Variants in ADGRE3 observed in about 807,000 individuals in gnomAD.
ADGRE3 encodes EGF-like module receptor 3.
A neutral mutation model predicts 80.1 loss-of-function variants in ADGRE3; 88 were observed. The ratio of observed to expected loss-of-function variants is 1.10; its 90% CI spans 0.93 to 1.31. The LOEUF (loss-of-function observed/expected upper bound fraction) is 1.31, where lower values mean the gene tolerates loss of function less well. ADGRE3 is among the 40% of genes most tolerant of loss of function. The pLI is 0.00. For missense variants in ADGRE3, 715 were observed against 776.5 expected, an observed-to-expected ratio of 0.92 and a Z score of 0.94; for synonymous variants, 281 against 294.8, an observed-to-expected ratio of 0.95 and a Z score of 0.48.
chr19:14,620,548 T>TAATATATATATATATATATATATA lies in ADGRE3; in HGVS notation c.1921-1078_1921-1077insTATATATATATATATATATATATT. On this transcript the variant is annotated intron_variant, in intron 15 of 15. Coordinates refer to ENST00000253673, the MANE Select transcript of ADGRE3 (RefSeq NM_032571.5). ...TGAATATATATATTTTATATATATA[T>TAATATATATATATATATATATATA]TATATATATATATATATATATTTTT... 5.2e-4 allele frequency among the ~76,000 whole-genome samples: 13 copies of TAATATATATATATATATATATATA among 24,964 alleles called. 1 individual carries two copies. Among genetic ancestry groups the TAATATATATATATATATATATATA allele is most frequent in the African/African-American group, 1.1e-3 (5 of 4,660 alleles). The allele number at this position is 24,964 out of a possible 152,430, so 16.4% of individuals were successfully genotyped here.
downstream of ADGRE3, among the ~76,000 whole-genome samples, chr19:14,617,341 C>CCTCTCTCTCTCTCT: frequency 1.4e-3 from 81 of 57,260 alleles, no homozygotes; most frequent in East Asian, 6.4e-3. Context: ...TCCCTCCCTC[C>CCTCTCTCTCTCTCT]CTTTCTTTCT....
At chr19:14,655,795 G>A (rs1971738251) in intron 5 of ADGRE3, among the ~76,000 whole-genome samples, 1 of 151,928 alleles carries the variant, frequency 6.6e-6, no homozygotes, top group African/African-American at 2.4e-5. Flanking sequence ...TTGCCAACAA[G>A]GTAGTGATAA....
intron 5 of ADGRE3, among the ~76,000 whole-genome samples, chr19:14,658,308 T>C (rs1175760161): frequency 1.3e-5 from 2 of 150,238 alleles, no homozygotes; most frequent in Non-Finnish European, 3.0e-5. Flanking sequence ...ATATGTACTA[T>C]TGTGTAGTAA....
At chr19:14,629,889 A>AT in intron 14 of ADGRE3, 150 bp downstream of exon 14, 2 of 480,358 alleles carry the variant, frequency 4.2e-6, no homozygotes, top group Non-Finnish European at 7.3e-6. Context: ...AACTAGTAGC[A>AT]TTTTTAAAGT....
chr19:14,671,609 T>TG (rs1361589009), intron 1 of ADGRE3, among the ~76,000 whole-genome samples: 1 of 152,146 alleles, frequency 6.6e-6, no homozygotes, highest in Non-Finnish European at 1.5e-5. Flanking sequence ...TGGATGTCTC[T>TG]GGGGGGACTG....
chr19:14,618,960 G>A (rs933754717), downstream of ADGRE3, among the ~76,000 whole-genome samples: 5 of 151,714 alleles, frequency 3.3e-5, no homozygotes, highest in Non-Finnish European at 7.4e-5. Flanking sequence ...TTATGGCCAG[G>A]TGCAGTGGCT....
the ADGRE3 span, among the ~76,000 whole-genome samples, chr19:14,602,090 C>T: frequency 3.3e-5 from 5 of 152,124 alleles, no homozygotes; most frequent in South Asian, 2.1e-4. Context: ...CCGCGCCTGG[C>T]CCAGCAAATT....
intron 3 of ADGRE3, among the ~76,000 whole-genome samples, chr19:14,662,963 C>T (rs1290663626): frequency 6.6e-6 from 1 of 150,856 alleles, no homozygotes; most frequent in Non-Finnish European, 1.5e-5. Context: ...GTAGTTGCAG[C>T]CACTTGAGAG....
intron 8 of ADGRE3, among the ~76,000 whole-genome samples, chr19:14,646,703 C>CCTTA (rs1205224038): frequency 5.7e-5 from 7 of 122,802 alleles, no homozygotes; most frequent in African/African-American, 2.1e-4. Context: ...CTCCTTCCTT[C>CCTTA]CTTCCTTCCT....
At chr19:14,670,139 C>T (rs146780148) in intron 1 of ADGRE3, among the ~76,000 whole-genome samples, 1,546 of 152,188 alleles carry the variant, frequency 0.01, 14 homozygotes, top group Admixed American at 0.013. Flanking sequence ...CTCAGCTGGG[C>T]GGTTCTAGCT....
intron 2 of ADGRE3, among the ~76,000 whole-genome samples, chr19:14,664,180 G>A (rs1353512300): frequency 6.6e-6 from 1 of 152,152 alleles, no homozygotes; most frequent in Non-Finnish European, 1.5e-5. Flanking sequence ...GCAGGTGCCT[G>A]TAATTCCAGC....
chr19:14,631,173 G>C (rs544619432), intron 13 of ADGRE3, among the ~76,000 whole-genome samples: 84 of 152,080 alleles, frequency 5.5e-4, no homozygotes, highest in African/African-American at 1.9e-3. Context: ...CACCCGGCCG[G>C]GGTCATATAA....
chr19:14,668,444 C>T (rs565001214), intron 2 of ADGRE3, among the ~76,000 whole-genome samples: 55 of 152,010 alleles, frequency 3.6e-4, no homozygotes, highest in African/African-American at 1.3e-3. Context: ...TGACCTTGTT[C>T]ATTATTGGTT....
chr19:14,655,139 CT>C lies in ADGRE3; in HGVS notation c.419del (p.Glu140GlyfsTer34). 1.2e-6 allele frequency: 2 copies of C among 1,609,172 alleles called. No homozygotes were observed. The highest frequency in any genetic ancestry group is 2.2e-5 in the South Asian group (2 of 89,746). The stretch of plus-strand genomic sequence containing the variant: ...ATAAAGTCTGATTGGTGAGAAGTGA[CT>C]CAAATTTGTCCACAATCTTTTGCAG... Reference protein sequence around the residue: ...KELQKIVDKFESLLTNQTLWR... With the variant: ...KELQKIVDKFXSLLTNQTLWR... On this transcript the variant is annotated frameshift_variant, in exon 6 of 16. Transcript: ENST00000253673. LOFTEE classifies it high-confidence loss of function.
chr19:14,632,224 T>A (rs1217444400), intron 13 of ADGRE3, among the ~76,000 whole-genome samples: 2 of 152,198 alleles, frequency 1.3e-5, no homozygotes, highest in African/African-American at 4.8e-5. Context: ...CTTTGTGACA[T>A]TACCAGATTC....
chr19:14,658,792 TG>T (rs911273084), intron 4 of ADGRE3, among the ~76,000 whole-genome samples: 1 of 152,132 alleles, frequency 6.6e-6, no homozygotes, highest in Non-Finnish European at 1.5e-5. Flanking sequence ...TGGAGTGCAA[TG>T]GTGCGACCTA....
rs995740563 is a variant in ADGRE3 at position 14,672,525 on chromosome 19, T to A, written c.25+2221A>T. On this transcript the variant is annotated intron_variant, in intron 1 of 15. Coordinates refer to ENST00000253673, the MANE Select transcript of ADGRE3 (RefSeq NM_032571.5). Reference sequence around the variant, plus strand: ...GAGCACAATGTCAGGCAGGAAGTCCTCCACTGATACTGGCTGCCTCTGTCA... The same window carrying A: ...GAGCACAATGTCAGGCAGGAAGTCCACCACTGATACTGGCTGCCTCTGTCA... Among the ~76,000 whole-genome samples, 6 of 151,876 alleles carry A rather than the reference T, an allele frequency of 4.0e-5. No homozygotes were observed. In the East Asian group the frequency reaches 1.2e-3, roughly 30 times the overall value.
At chr19:14,607,073 G>T in the ADGRE3 span, 1 of 1,336,628 alleles carries the variant, frequency 7.5e-7, no homozygotes, top group Non-Finnish European at 9.6e-7. Flanking sequence ...GGGACTGGAG[G>T]TGGCTGGATG....
the ADGRE3 span, among the ~76,000 whole-genome samples, chr19:14,608,110 G>A: frequency 6.6e-6 from 1 of 152,004 alleles, no homozygotes; most frequent in Non-Finnish European, 1.5e-5. Context: ...GAGCTCAAGC[G>A]ATCCACCCGC....
Sources: allele counts gnomAD v4.1 joint callset (sites outside exome capture counted in the v4.1 genomes callset), GRCh38; gene constraint gnomAD v4.1.1; transcripts MANE v1.5; gene names NCBI Gene and HGNC (gene_info 2026-07-23, HGNC 2026-07-21).